The following SLC5A11 variants were observed in gnomAD, a reference collection of about 807,000 sequenced individuals.
The protein encoded by SLC5A11 is sodium/myo-inositol cotransporter 2.
SLC5A11 carries 48 observed loss-of-function variants against 69.8 expected under a neutral mutation model. The ratio of observed to expected loss-of-function variants is 0.69; its 90% CI spans 0.55 to 0.87. The LOEUF is 0.87. Among genes scored for constraint, SLC5A11 ranks in the 40% least tolerant of loss-of-function variants. The pLI, the probability that SLC5A11 is intolerant of heterozygous loss-of-function variation, is 0.00. For synonymous variants in SLC5A11, 319 were observed against 342.4 expected, an observed-to-expected ratio of 0.93 and a Z score of 0.75; for missense variants, 784 against 866.1, an observed-to-expected ratio of 0.91 and a Z score of 1.19.
At chr16:24,893,132 A>AAAAAAAAAAAC (rs2048928364) in intron 9 of SLC5A11, among the ~76,000 whole-genome samples, 1 of 103,650 alleles carries the variant, frequency 9.6e-6, no homozygotes, top group African/African-American at 3.1e-5. Context: ...AAAAAAAAAA[A>AAAAAAAAAAAC]AAAAAAAAAG....
chr16:24,857,433 T>C (rs1475550216), intron 1 of SLC5A11, among the ~76,000 whole-genome samples: 3 of 152,198 alleles, frequency 2.0e-5, no homozygotes, highest in African/African-American at 7.2e-5. Flanking sequence ...ACAACATAAA[T>C]TTATGACCTT....
At chr16:24,865,534 G>A (rs996797977) in intron 3 of SLC5A11, among the ~76,000 whole-genome samples, 1 of 152,122 alleles carries the variant, frequency 6.6e-6, no homozygotes, top group African/African-American at 2.4e-5. Flanking sequence ...TCCAGCCTGG[G>A]TGACAGAGTG....
chr16:24,909,970 G>A (rs1280790491), intron 14 of SLC5A11, among the ~76,000 whole-genome samples: 1 of 152,044 alleles, frequency 6.6e-6, no homozygotes, highest in Non-Finnish European at 1.5e-5. Flanking sequence ...CCTGTGGCCA[G>A]AGAAACGGAT....
Position 24,862,681 on chromosome 16 carries a change from T to C in SLC5A11, c.207+9T>C, listed in dbSNP as rs2046651854. 3.7e-6 allele frequency: 6 copies of C among 1,612,334 alleles called. No homozygotes were observed. The highest frequency in any genetic ancestry group is 5.1e-6 in the Non-Finnish European group (6 of 1,178,882). On this transcript the variant is annotated intron_variant, in intron 3 of 15. Coordinates refer to ENST00000347898, the Ensembl canonical transcript of SLC5A11. ...ACATGGTGTGGTGGCCAGTAAGTGG[T>C]CTTTGGTTCAATTAAAGTCACTTCT...
intron 1 of SLC5A11, among the ~76,000 whole-genome samples, chr16:24,855,264 G>T (rs1460975913): frequency 6.6e-6 from 1 of 152,026 alleles, no homozygotes; most frequent in Non-Finnish European, 1.5e-5. Flanking sequence ...GAGGGTTAGG[G>T]TTATGAGGAC....
At chr16:24,890,918 G>A (rs143588834) in exon 9 of SLC5A11, 5 of 1,614,126 alleles carry the variant, frequency 3.1e-6, no homozygotes, top group Non-Finnish European at 4.2e-6. Context: ...AGTACTTCTT[G>A]GCCCTGGCTA....
chr16:24,850,093 A>T (rs1220552569), intron 1 of SLC5A11, among the ~76,000 whole-genome samples: 1 of 151,928 alleles, frequency 6.6e-6, no homozygotes, highest in Non-Finnish European at 1.5e-5. Flanking sequence ...ACACAGCACC[A>T]TGCCCAGCTA....
At chr16:24,878,418 T>A (rs2047825485) in intron 7 of SLC5A11, among the ~76,000 whole-genome samples, 1 of 152,150 alleles carries the variant, frequency 6.6e-6, no homozygotes, top group African/African-American at 2.4e-5. Flanking sequence ...TTTAAATATT[T>A]ATTATCTCAT....
intron 7 of SLC5A11, among the ~76,000 whole-genome samples, chr16:24,880,150 C>T (rs1445715857): frequency 1.3e-5 from 2 of 151,854 alleles, no homozygotes; most frequent in East Asian, 1.9e-4. Context: ...AAGAACTACC[C>T]GAGACTGGAT....
At chr16:24,888,383 A>G (rs927414992) in intron 8 of SLC5A11, among the ~76,000 whole-genome samples, 6 of 152,120 alleles carry the variant, frequency 3.9e-5, no homozygotes, top group Admixed American at 6.6e-5. Flanking sequence ...ACCTCTATCA[A>G]AACATTTATA....
At chr16:24,852,012 T>TC (rs2059334692) in intron 1 of SLC5A11, among the ~76,000 whole-genome samples, 1 of 144,674 alleles carries the variant, frequency 6.9e-6, no homozygotes, top group East Asian at 2.2e-4. Context: ...TATCTGTTTC[T>TC]CCCCCGATTC....
chr16:24,903,841 G>T (rs1015748632), intron 10 of SLC5A11, among the ~76,000 whole-genome samples: 3 of 152,096 alleles, frequency 2.0e-5, no homozygotes, highest in Non-Finnish European at 4.4e-5. Context: ...GTATCCATTT[G>T]CTATATTGAT....
At chr16:24,890,738 G>A (rs961629700) in intron 8 of SLC5A11, 131 bp from the exon 10 acceptor site, 8 of 782,102 alleles carry the variant, frequency 1.0e-5, no homozygotes, top group Middle Eastern at 2.7e-4. Flanking sequence ...AGGAGGTTAA[G>A]AACCCTTAAG....
At chr16:24,872,017 C>CA (rs1567609109) in intron 4 of SLC5A11, 143 bp from the exon 6 acceptor site, 1 of 900,608 alleles carries the variant, frequency 1.1e-6, no homozygotes, top group African/African-American at 1.6e-5. Context: ...ATTTGAAGGC[C>CA]AGCACAGGTG....
At chr16:24,858,371 G>T (rs2059621762) in intron 1 of SLC5A11, among the ~76,000 whole-genome samples, 1 of 152,032 alleles carries the variant, frequency 6.6e-6, no homozygotes, top group East Asian at 1.9e-4. Context: ...TTTCTATTTT[G>T]CCAAGTGAGT....
At chr16:24,871,814 G>A (rs2152304044) in intron 4 of SLC5A11, among the ~76,000 whole-genome samples, 1 of 152,208 alleles carries the variant, frequency 6.6e-6, no homozygotes, top group East Asian at 1.9e-4. Flanking sequence ...GTTAACTCTT[G>A]TGGTCGTCTT....
chr16:24,873,155 GAAGGA>G (rs1240522569), intron 5 of SLC5A11, among the ~76,000 whole-genome samples: 3 of 132,412 alleles, frequency 2.3e-5, no homozygotes, highest in Non-Finnish European at 3.2e-5. Flanking sequence ...GGAAAGGAAA[GAAGGA>G]AAGGAAAGGA....
intron 8 of SLC5A11, among the ~76,000 whole-genome samples, chr16:24,888,721 C>T (rs1290709566): frequency 4.8e-5 from 7 of 144,948 alleles, no homozygotes; most frequent in African/African-American, 1.0e-4. Context: ...TGACCTCAGG[C>T]GATCTGCCCA....
At chr16:24,877,146 T>C (rs1019710987) in intron 6 of SLC5A11, 112 bp from the exon 8 acceptor site, 7 of 1,536,714 alleles carry the variant, frequency 4.6e-6, no homozygotes, top group Non-Finnish European at 6.1e-6. Flanking sequence ...ATGACTCTTC[T>C]GTGTTTGTCA....
Sources: allele counts gnomAD v4.1 joint callset (sites outside exome capture counted in the v4.1 genomes callset), GRCh38; gene constraint gnomAD v4.1.1; transcripts MANE v1.5; gene names NCBI Gene and HGNC (gene_info 2026-07-23, HGNC 2026-07-21).